SNTG1: variants seen among roughly 807,000 people sequenced by gnomAD.
SNTG1 encodes the protein syntrophin gamma 1, also known as gamma-1-syntrophin.
SNTG1 carries 39 observed loss-of-function variants against 74.7 expected under a neutral mutation model. The observed-to-expected ratio is 0.52, with a 90% CI of 0.40 to 0.68. The LOEUF is 0.68. Ranked by LOEUF, SNTG1 falls within the 30% of genes least tolerant of loss-of-function variation. SNTG1 has a pLI of 0.00. For synonymous variants in SNTG1, 254 were observed against 217.1 expected (o/e 1.17, Z -1.49); for missense variants, 685 against 609.5 (o/e 1.12, Z -1.30).
chr8:50,442,937 C>T (rs746886183), intron 5 of SNTG1, among the ~76,000 whole-genome samples: 1 of 152,184 alleles, frequency 6.6e-6, no homozygotes, highest in Non-Finnish European at 1.5e-5. Context: ...ACCATTTCTA[C>T]TGGCATTTCC....
intron 12 of SNTG1, among the ~76,000 whole-genome samples, chr8:50,561,867 C>T (rs959776472): frequency 6.6e-6 from 1 of 152,138 alleles, no homozygotes; most frequent in Non-Finnish European, 1.5e-5. Flanking sequence ...AGAATGTCTC[C>T]CCAGCCTGAG....
chr8:50,128,803 TTATC>T (rs774560544), intron 1 of SNTG1, among the ~76,000 whole-genome samples: 48 of 152,258 alleles, frequency 3.2e-4, no homozygotes, highest in Non-Finnish European at 5.1e-4. Flanking sequence ...GAATAGAAAA[TTATC>T]TATATGCTCA....
chr8:50,162,564 A>G (rs998810988), intron 1 of SNTG1, among the ~76,000 whole-genome samples: 1 of 150,484 alleles, frequency 6.6e-6, no homozygotes, highest in African/African-American at 2.5e-5. Context: ...TGTCTCAAAA[A>G]AAAAAAAAAA....
At chr8:50,493,135 A>G (rs942881691) in intron 8 of SNTG1, among the ~76,000 whole-genome samples, 2 of 152,190 alleles carry the variant, frequency 1.3e-5, no homozygotes, top group African/African-American at 4.8e-5. Flanking sequence ...AACTCTTAAG[A>G]TAGTAGAATA....
At chr8:50,381,752 TATATATATCCTATTAGTTATATATATAGG>T (rs1342781672) in intron 2 of SNTG1, among the ~76,000 whole-genome samples, 6 of 139,008 alleles carry the variant, frequency 4.3e-5, no homozygotes, top group African/African-American at 1.6e-4. Context: ...ATATATAGGA[TATATATATCCTATTAGTTATATATATAGG>T]ATATATATAT....
At chr8:50,485,162 T>C (rs1364746286) in intron 8 of SNTG1, among the ~76,000 whole-genome samples, 1 of 152,160 alleles carries the variant, frequency 6.6e-6, no homozygotes, top group Admixed American at 6.5e-5. Flanking sequence ...AAGAGGGCAC[T>C]GTAGAACCTT....
In SNTG1 at chr8:49,968,589, G is replaced by T. The variant is rs79398830; in HGVS notation, c.-103+56358G>T. ...AGTTTCCAGGTTTCTACATGCAAAA[G>T]ACATCTCCTTATTCAGAGGAAATAA... is the stretch of plus-strand genomic sequence containing the variant. On this transcript the variant is annotated intron_variant, in intron 1 of 18. Transcript: ENST00000642720. Among the ~76,000 whole-genome samples, 746 of 152,238 alleles carry T rather than the reference G, an allele frequency of 4.9e-3. 9 individuals carry two copies. The highest frequency in any genetic ancestry group is 0.017 in the African/African-American group (690 of 41,546).
At chr8:50,130,814 A>G (rs1487805001) in intron 1 of SNTG1, among the ~76,000 whole-genome samples, 1 of 152,130 alleles carries the variant, frequency 6.6e-6, no homozygotes, top group Non-Finnish European at 1.5e-5. Context: ...AAACAGAAGC[A>G]AATTTGAAGA....
chr8:50,428,829 G>A (rs1226921348), intron 4 of SNTG1, among the ~76,000 whole-genome samples: 1 of 152,122 alleles, frequency 6.6e-6, no homozygotes, highest in Admixed American at 6.6e-5. Flanking sequence ...AGGGAGGTAA[G>A]TTCTGTGCCT....
chr8:50,604,595 A>C (rs1208623966), intron 13 of SNTG1, among the ~76,000 whole-genome samples: 1 of 151,958 alleles, frequency 6.6e-6, no homozygotes, highest in Non-Finnish European at 1.5e-5. Flanking sequence ...AGGGCTCTTC[A>C]GTGTGCTTGT....
chr8:49,951,873 CAAAAAAAAAAAA>C (rs5891338), intron 1 of SNTG1, among the ~76,000 whole-genome samples: 7,177 of 56,702 alleles, frequency 0.13, 447 homozygotes, highest in African/African-American at 0.37. Flanking sequence ...GGAAAATTCA[CAAAAAAAAAAAA>C]AAAAAAAAAA....
intron 2 of SNTG1, among the ~76,000 whole-genome samples, chr8:50,310,637 G>T (rs2044775): frequency 6.6e-6 from 1 of 152,010 alleles, no homozygotes; most frequent in South Asian, 2.1e-4. Context: ...GCAATGAGCC[G>T]AGACCATGCC....
chr8:50,119,949 T>C (rs550990708), intron 1 of SNTG1, among the ~76,000 whole-genome samples: 2 of 142,136 alleles, frequency 1.4e-5, no homozygotes, highest in African/African-American at 2.5e-5. Context: ...TATCCCTCAT[T>C]CTTTATTAAC....
At chr8:50,490,513 T>C (rs1346032131) in intron 8 of SNTG1, among the ~76,000 whole-genome samples, 1 of 152,224 alleles carries the variant, frequency 6.6e-6, no homozygotes, top group Non-Finnish European at 1.5e-5. Flanking sequence ...CTAGGTATTT[T>C]ATTCTCCTTG....
intron 1 of SNTG1, among the ~76,000 whole-genome samples, chr8:50,003,628 C>A (rs1029560468): frequency 6.6e-6 from 1 of 152,134 alleles, no homozygotes; most frequent in African/African-American, 2.4e-5. Context: ...CCCTGAAGAA[C>A]CTTTTAGAAG....
chr8:50,389,163 G>A (rs1251847532), intron 2 of SNTG1, among the ~76,000 whole-genome samples: 1 of 152,160 alleles, frequency 6.6e-6, no homozygotes, highest in Non-Finnish European at 1.5e-5. Context: ...ACCCATAGCT[G>A]GAGTAGACAT....
intron 1 of SNTG1, among the ~76,000 whole-genome samples, chr8:50,155,962 A>C (rs1457456479): frequency 6.6e-6 from 1 of 152,018 alleles, no homozygotes; most frequent in African/African-American, 2.4e-5. Context: ...ACATATATAG[A>C]AGTGTAAAAA....
intron 17 of SNTG1, among the ~76,000 whole-genome samples, chr8:50,729,346 C>A (rs184062746): frequency 3.3e-4 from 50 of 152,298 alleles, no homozygotes; most frequent in African/African-American, 1.2e-3. Context: ...TCTACAAGGG[C>A]CTCTGACTAA....
intron 18 of SNTG1, among the ~76,000 whole-genome samples, chr8:50,776,397 TTATAATA>T (rs2095640857): frequency 1.4e-5 from 2 of 147,326 alleles, no homozygotes; most frequent in Non-Finnish European, 3.0e-5. Context: ...ATTTTACATT[TTATAATA>T]TATAATATAT....
Sources: gnomAD v4.1 joint callset for allele counts (sites outside exome capture counted in the v4.1 genomes callset) on GRCh38, gnomAD v4.1.1 for gene constraint, MANE v1.5 for transcripts, NCBI Gene and HGNC (gene_info 2026-07-23, HGNC 2026-07-21) for gene names.